Variants in TENM2 observed in about 807,000 individuals in gnomAD.
The protein encoded by TENM2 is teneurin-2.
Under a neutral mutation model 245.2 loss-of-function variants are expected in TENM2, and 52 were observed. The ratio of observed to expected loss-of-function variants is 0.21; its 90% CI spans 0.17 to 0.27. The LOEUF (loss-of-function observed/expected upper bound fraction) is 0.27. Among genes scored for constraint, TENM2 ranks in the 10% least tolerant of loss-of-function variants. The pLI is 1.00. For missense variants in TENM2, 3,046 were observed against 3,666.8 expected, an observed-to-expected ratio of 0.83 and a Z score of 4.37; for synonymous variants, 1,363 against 1,438.9, an observed-to-expected ratio of 0.95 and a Z score of 1.19.
rs558172949 is a variant in TENM2, at chr5:168,113,914, C to T, written c.1814-4378C>T. On this transcript the variant is annotated intron_variant, in intron 9 of 28. Transcript: ENST00000518659. ...GAGAGACATGCGGAGACAGAAAACGCTCCACTTTCATACCTGACCAATCAC... is the reference window on the plus strand; with the variant it reads ...GAGAGACATGCGGAGACAGAAAACGTTCCACTTTCATACCTGACCAATCAC... 3.3e-5 allele frequency among the ~76,000 whole-genome samples: 5 copies of T among 152,308 alleles called. No individual in the cohort carries two copies. The East Asian group carries it at 9.6e-4, about 29-fold the overall frequency.
At chr5:168,094,912 T>C (rs1407425352) in intron 8 of TENM2, among the ~76,000 whole-genome samples, 3 of 151,940 alleles carry the variant, frequency 2.0e-5, no homozygotes, top group African/African-American at 4.8e-5. Flanking sequence ...TAGATTATCA[T>C]AGGAGGGCAA....
At chr5:167,638,420 G>A (rs764019924) in intron 2 of TENM2, among the ~76,000 whole-genome samples, 40 of 152,122 alleles carry the variant, frequency 2.6e-4, no homozygotes, top group Non-Finnish European at 5.0e-4. Flanking sequence ...AAAATTACTA[G>A]CCCAAGCACA....
chr5:167,776,593 GAAA>G (rs869252752), intron 2 of TENM2, among the ~76,000 whole-genome samples: 271 of 35,830 alleles, frequency 7.6e-3, no homozygotes, highest in East Asian at 0.025. Context: ...GACCCTGTCT[GAAA>G]AAAAAAAAAA....
intron 9 of TENM2, among the ~76,000 whole-genome samples, chr5:168,105,858 A>G (rs1325909815): frequency 1.3e-5 from 2 of 152,044 alleles, no homozygotes; most frequent in Non-Finnish European, 2.9e-5. Context: ...CTTTAATGCT[A>G]TTTGTTGTGG....
intron 17 of TENM2, among the ~76,000 whole-genome samples, chr5:168,200,756 GA>G (rs1445112982): frequency 2.0e-5 from 3 of 152,178 alleles, no homozygotes; most frequent in African/African-American, 7.2e-5. Flanking sequence ...CCTTATGAAA[GA>G]TCTTCGTAAC....
intron 2 of TENM2, among the ~76,000 whole-genome samples, chr5:167,749,889 G>A (rs1761845199): frequency 6.6e-6 from 1 of 152,032 alleles, no homozygotes; most frequent in Non-Finnish European, 1.5e-5. Context: ...TTTTTCTGAG[G>A]GAGAAGAATT....
intron 13 of TENM2, among the ~76,000 whole-genome samples, chr5:168,173,494 G>A (rs1001843227): frequency 2.0e-5 from 3 of 151,880 alleles, no homozygotes; most frequent in Non-Finnish European, 2.9e-5. Flanking sequence ...CTTCACTTTC[G>A]CCCCCTCAGC....
chr5:167,504,575 T>C (rs1348205166), intron 2 of TENM2, among the ~76,000 whole-genome samples: 2 of 152,174 alleles, frequency 1.3e-5, no homozygotes, highest in Non-Finnish European at 2.9e-5. Context: ...TGCATCTCAT[T>C]GGAAGAAATA....
intron 3 of TENM2, among the ~76,000 whole-genome samples, chr5:167,900,833 G>C (rs991516711): frequency 6.6e-6 from 1 of 151,844 alleles, no homozygotes; most frequent in African/African-American, 2.4e-5. Flanking sequence ...ATTGGGGTGG[G>C]GGGGTGAGGT....
intron 2 of TENM2, among the ~76,000 whole-genome samples, chr5:167,801,780 G>A (rs762672587): frequency 1.3e-5 from 2 of 152,054 alleles, no homozygotes; most frequent in Non-Finnish European, 2.9e-5. Context: ...GGGTACATCA[G>A]CCTGGCTTAG....
intron 2 of TENM2, among the ~76,000 whole-genome samples, chr5:167,815,308 A>G (rs1435897980): frequency 6.6e-6 from 1 of 152,118 alleles, no homozygotes; most frequent in African/African-American, 2.4e-5. Context: ...ACGATCCCAT[A>G]ATATATCTGA....
chr5:167,226,774 C>G, the TENM2 span, among the ~76,000 whole-genome samples: 5,828 of 152,002 alleles, frequency 0.038, 147 homozygotes, highest in Non-Finnish European at 0.056. Flanking sequence ...TGTTGTAAGT[C>G]AGATATTGAA....
intron 7 of TENM2, among the ~76,000 whole-genome samples, chr5:168,074,154 C>T (rs547175046): frequency 6.6e-6 from 1 of 152,178 alleles, no homozygotes; most frequent in Admixed American, 6.5e-5. Flanking sequence ...CTTATCCTTC[C>T]GTTGAGACAC....
rs546441625 is a variant in TENM2, at chr5:167,593,353, G to A, written c.502+217880G>A. On this transcript the variant is annotated intron_variant, in intron 2 of 28. Coordinates refer to ENST00000518659, the Ensembl canonical transcript of TENM2. ...CTAAAAGGGTAATCACCTTGGAAAA[G>A]CTTTCCATGTTCTGCCCTCTTTTGT... is the stretch of plus-strand genomic sequence containing the variant. 4.1e-4 allele frequency among the ~76,000 whole-genome samples: 63 copies of A among 152,302 alleles called. No homozygotes were observed. The South Asian group carries it at 4.6e-3, about 11-fold the overall frequency.
chr5:168,067,808 G>A (rs528374748), intron 7 of TENM2, among the ~76,000 whole-genome samples: 34 of 152,116 alleles, frequency 2.2e-4, no homozygotes, highest in Non-Finnish European at 4.3e-4. Flanking sequence ...CCTTTCACAT[G>A]GAGCTGAAAT....
At chr5:167,738,262 G>T (rs148975996) in intron 2 of TENM2, among the ~76,000 whole-genome samples, 3 of 152,132 alleles carry the variant, frequency 2.0e-5, no homozygotes, top group Non-Finnish European at 4.4e-5. Context: ...TAATAAGAGC[G>T]TAGCATTGGG....
At chr5:168,193,048 C>A (rs1761093000) in intron 14 of TENM2, among the ~76,000 whole-genome samples, 1 of 152,174 alleles carries the variant, frequency 6.6e-6, no homozygotes, top group Non-Finnish European at 1.5e-5. Context: ...CAGTCAGGAA[C>A]CCCAGAATAT....
intron 2 of TENM2, among the ~76,000 whole-genome samples, chr5:167,720,025 A>C (rs531494575): frequency 6.6e-6 from 1 of 152,326 alleles, no homozygotes; most frequent in South Asian, 2.1e-4. Flanking sequence ...GGAGGTTCTA[A>C]GATCCAATAA....
At chr5:167,268,520 CTCA>C in the TENM2 span, among the ~76,000 whole-genome samples, 1 of 152,038 alleles carries the variant, frequency 6.6e-6, no homozygotes, top group African/African-American at 2.4e-5. Flanking sequence ...AAAAGAAGTC[CTCA>C]TCTGCTGTAA....
Sources: allele counts gnomAD v4.1 joint callset (sites outside exome capture counted in the v4.1 genomes callset), GRCh38; gene constraint gnomAD v4.1.1; transcripts MANE v1.5; gene names NCBI Gene and HGNC (gene_info 2026-07-23, HGNC 2026-07-21).